PRKG1: variants seen among roughly 807,000 people sequenced by gnomAD.
PRKG1 encodes cGMP-dependent protein kinase 1.
In PRKG1, 35 loss-of-function variants were observed where a neutral mutation model predicts 88.1. The observed-to-expected ratio is 0.40, with a 90% CI of 0.30 to 0.53. PRKG1 has a LOEUF of 0.53. Ranked by LOEUF, PRKG1 falls within the 20% of genes least tolerant of loss-of-function variation. The pLI, the probability that PRKG1 is intolerant of heterozygous loss-of-function variation, is 0.59. For missense variants in PRKG1, 540 were observed against 839.8 expected (o/e 0.64, Z 4.41); for synonymous variants, 303 against 292.5 (o/e 1.04, Z -0.37).
chr10:51,586,596 T>TC (rs1434033123), intron 3 of PRKG1, among the ~76,000 whole-genome samples: 1 of 152,174 alleles, frequency 6.6e-6, no homozygotes, highest in Non-Finnish European at 1.5e-5. Context: ...AGCTAAGTCT[T>TC]CCCCAACAAA....
At chr10:51,809,955 T>A (rs1341257655) in intron 4 of PRKG1, among the ~76,000 whole-genome samples, 1 of 152,102 alleles carries the variant, frequency 6.6e-6, no homozygotes, top group African/African-American at 2.4e-5. Context: ...TTCATCTCCT[T>A]AGATGCTCCA....
At chr10:52,054,691 G>C in intron 6 of PRKG1, 130 bp downstream of exon 6, 1 of 690,712 alleles carries the variant, frequency 1.4e-6, no homozygotes, top group Non-Finnish European at 2.4e-6. Flanking sequence ...AGAGGTATTA[G>C]AGAATGGATC....
At chr10:51,501,116 A>T (rs1841012626) in intron 3 of PRKG1, among the ~76,000 whole-genome samples, 1 of 152,144 alleles carries the variant, frequency 6.6e-6, no homozygotes, top group East Asian at 1.9e-4. Context: ...TGTGATTCTG[A>T]ATCACGCAGT....
intron 1 of PRKG1, among the ~76,000 whole-genome samples, chr10:51,000,080 A>G (rs1842873601): frequency 1.3e-5 from 2 of 152,192 alleles, no homozygotes; most frequent in South Asian, 4.1e-4. Flanking sequence ...TATCACTCCA[A>G]AATACTCAAT....
intron 4 of PRKG1, among the ~76,000 whole-genome samples, chr10:51,895,219 T>C (rs1841814516): frequency 1.3e-5 from 2 of 152,130 alleles, no homozygotes; most frequent in Admixed American, 1.3e-4. Flanking sequence ...CGTTTGGCTG[T>C]TTTTCTTAGC....
At chr10:51,518,463 T>C (rs533774767) in intron 3 of PRKG1, among the ~76,000 whole-genome samples, 1 of 152,338 alleles carries the variant, frequency 6.6e-6, no homozygotes, top group East Asian at 1.9e-4. Flanking sequence ...GTCTAGAGTC[T>C]TCAACATGAG....
chr10:51,994,086 C>T (rs1844376991), intron 5 of PRKG1, among the ~76,000 whole-genome samples: 1 of 152,176 alleles, frequency 6.6e-6, no homozygotes, highest in Non-Finnish European at 1.5e-5. Flanking sequence ...GAGAGATACA[C>T]AATTCTCAGT....
chr10:51,390,805 G>A (rs1176049541), intron 2 of PRKG1, among the ~76,000 whole-genome samples: 1 of 152,030 alleles, frequency 6.6e-6, no homozygotes. Context: ...GGAACATTTG[G>A]CAATATCTAG....
At chr10:51,486,255 C>CA (rs2132859131) in intron 3 of PRKG1, among the ~76,000 whole-genome samples, 1 of 152,164 alleles carries the variant, frequency 6.6e-6, no homozygotes, top group Non-Finnish European at 1.5e-5. Flanking sequence ...CCCTTTCCCC[C>CA]ATCCCCTGAC....
At chr10:52,183,549 G>T (rs745437758) in intron 9 of PRKG1, among the ~76,000 whole-genome samples, 2 of 152,328 alleles carry the variant, frequency 1.3e-5, no homozygotes, top group African/African-American at 4.8e-5. Flanking sequence ...TCCAGGGCCA[G>T]AGTCATAGCT....
intron 14 of PRKG1, among the ~76,000 whole-genome samples, chr10:52,284,174 TA>T (rs1485809610): frequency 2.0e-5 from 3 of 151,968 alleles, no homozygotes; most frequent in Non-Finnish European, 2.9e-5. Context: ...AGATTTAAAA[TA>T]AAAAGTCTAA....
intron 3 of PRKG1, among the ~76,000 whole-genome samples, chr10:51,749,438 C>G (rs896202134): frequency 3.3e-5 from 5 of 152,104 alleles, no homozygotes; most frequent in Non-Finnish European, 5.9e-5. Context: ...ACAGCCTTCC[C>G]TTGGTGACTG....
chr10:51,482,423 A>G (rs746897343), intron 3 of PRKG1, among the ~76,000 whole-genome samples: 17 of 152,154 alleles, frequency 1.1e-4, no homozygotes, highest in Non-Finnish European at 2.1e-4. Context: ...GTGGAGGAGG[A>G]GAATCAAAAC....
At chr10:51,765,977 A>G (rs10999342) in intron 3 of PRKG1, among the ~76,000 whole-genome samples, 65,277 of 151,842 alleles carry the variant, frequency 0.43, 14,749 homozygotes, top group Middle Eastern at 0.57. Flanking sequence ...CCCAATGAGT[A>G]CACTCTTCCT....
chr10:51,771,698 G>A (rs1838308704), intron 3 of PRKG1, among the ~76,000 whole-genome samples: 1 of 152,108 alleles, frequency 6.6e-6, no homozygotes, highest in Non-Finnish European at 1.5e-5. Context: ...TGGGTGTATA[G>A]GGCAGTAAGA....
At chr10:51,704,850 C>G (rs72797365) in intron 3 of PRKG1, among the ~76,000 whole-genome samples, 5 of 152,066 alleles carry the variant, frequency 3.3e-5, no homozygotes, top group African/African-American at 1.2e-4. Context: ...CCTTCACCAC[C>G]CCCTGAAACA....
chr10:51,667,731 C>A (rs576175118), intron 3 of PRKG1, among the ~76,000 whole-genome samples: 11 of 152,272 alleles, frequency 7.2e-5, no homozygotes, highest in African/African-American at 2.6e-4. Flanking sequence ...TTTGTCTCTT[C>A]TGTATGTCTT....
At chr10:51,504,479 T>A (rs1478256113) in intron 3 of PRKG1, among the ~76,000 whole-genome samples, 1 of 152,162 alleles carries the variant, frequency 6.6e-6, no homozygotes, top group East Asian at 1.9e-4. Context: ...CATATGAACT[T>A]TAAAGTAGTT....
At chr10:51,956,703 T>A (rs4935295) in intron 5 of PRKG1, among the ~76,000 whole-genome samples, 66,812 of 151,646 alleles carry the variant, frequency 0.44, 16,052 homozygotes, top group East Asian at 0.65. Flanking sequence ...CATATTCTGA[T>A]ATAAAACTCC....
Sources: allele counts gnomAD v4.1 joint callset (sites outside exome capture counted in the v4.1 genomes callset), GRCh38; gene constraint gnomAD v4.1.1; transcripts MANE v1.5; gene names NCBI Gene and HGNC (gene_info 2026-07-23, HGNC 2026-07-21).